The following NPSR1 variants were observed in gnomAD, a reference collection of about 807,000 sequenced individuals.
NPSR1 encodes neuropeptide S receptor.
A neutral mutation model predicts 46.9 loss-of-function variants in NPSR1; 48 were observed. The observed-to-expected ratio is 1.02, with a 90% CI of 0.81 to 1.30. The LOEUF is 1.30. NPSR1 is among the 50% of genes most tolerant of loss of function. The pLI, the probability that NPSR1 is intolerant of heterozygous loss-of-function variation, is 0.00. For missense variants in NPSR1, 450 were observed against 449.5 expected (o/e 1.00, Z -0.01); for synonymous variants, 176 against 168.1 (o/e 1.05, Z -0.36).
rs1388289604 is a variant in NPSR1, at chr7:34,807,858, G to A, written c.385-3912G>A. ...TTTTCTTTTTATTTGATTATCAATT[G>A]TGGTAGGCTTGAAAAAAGCTCCCCG... On this transcript the variant is annotated intron_variant, in intron 3 of 8. Transcript: ENST00000360581. 4.6e-5 allele frequency among the ~76,000 whole-genome samples: 7 copies of A among 151,588 alleles called. No homozygotes were observed. The East Asian group carries it at 1.4e-3, about 29-fold the overall frequency.
chr7:34,764,318 A>T lies in NPSR1; in HGVS notation c.281-14144A>T, dbSNP rs34524290. ...ATTTAAAATAGAATGAGAAAAGATCAGACTTGAGAAGAAGGAAAGTCACAG... is the reference window on the plus strand; with the variant it reads ...ATTTAAAATAGAATGAGAAAAGATCTGACTTGAGAAGAAGGAAAGTCACAG... On this transcript the variant is annotated intron_variant, in intron 2 of 8. Transcript: ENST00000360581. Among the ~76,000 whole-genome samples the T allele has an allele frequency of 9.2e-4, 140 of 152,352 alleles. 1 individual carries two copies. Among genetic ancestry groups the T allele is most frequent in the African/African-American group, 3.3e-3 (138 of 41,592 alleles).
intron 2 of NPSR1, among the ~76,000 whole-genome samples, chr7:34,700,135 A>T (rs180729955): frequency 1.0e-3 from 159 of 152,318 alleles, no homozygotes; most frequent in Non-Finnish European, 6.5e-4. Context: ...AAGGTCAGAA[A>T]GACATAGAGA....
downstream of NPSR1, among the ~76,000 whole-genome samples, chr7:34,850,750 A>T (rs1790913780): frequency 6.6e-6 from 1 of 151,950 alleles, no homozygotes; most frequent in Non-Finnish European, 1.5e-5. Context: ...CACTTGGGCC[A>T]CTCTGGGCTC....
At position 34,870,124 on chromosome 7, in the gene NPSR1, C is replaced by T. The variant is rs1339861046; in HGVS notation, c.1026-7952C>T. Among the ~76,000 whole-genome samples the T allele has an allele frequency of 3.9e-5, 6 of 151,902 alleles. 1 individual carries two copies. Among genetic ancestry groups the T allele is most frequent in the Non-Finnish European group, 5.9e-5 (4 of 68,042 alleles). On this transcript the variant is annotated intron_variant, in intron 8 of 8. Coordinates refer to the NPSR1 transcript ENST00000359791. ...TCAAGACTTAGTTCAAATATCAAAG[C>T]AGTTTTGGACTCAAGAGGGCGAGCA... is the stretch of plus-strand genomic sequence containing the variant.
rs1241152871 is a variant in NPSR1 at position 34,849,944 on chromosome 7, G to A, written c.*289G>A. On this transcript the variant is annotated 3_prime_UTR_variant, in exon 9 of 9. Coordinates refer to ENST00000360581, the MANE Select transcript of NPSR1 (RefSeq NM_207172.2). ...GAACCCAGTGAACACAGGCATTAGT[G>A]GTCCAGGGTCCTGGCTTGGAGCCAG... 6 of 1,160,138 alleles carry A rather than the reference G, an allele frequency of 5.2e-6. No individual in the cohort carries two copies. The highest frequency in any genetic ancestry group is 2.7e-5 in the South Asian group (1 of 37,604). The allele number at this position is 1,160,138 out of a possible 1,614,324, so 71.9% of individuals were successfully genotyped here.
In NPSR1 at chr7:34,700,308, G is replaced by A. The variant is rs560815521; in HGVS notation, c.280+15624G>A. Among the ~76,000 whole-genome samples, 20 of 152,306 alleles carry A rather than the reference G, an allele frequency of 1.3e-4. No individual in the cohort carries two copies. The East Asian group carries it at 3.5e-3, about 26-fold the overall frequency. On this transcript the variant is annotated intron_variant, in intron 2 of 8. Transcript: ENST00000360581. ...CAGAGGTAGTATAACTCAGTGCAAC[G>A]ATTGTACTGGGTAGGCAAGGTAGGG...
At chr7:34,713,173 T>C (rs1783388170) in intron 2 of NPSR1, among the ~76,000 whole-genome samples, 1 of 152,222 alleles carries the variant, frequency 6.6e-6, no homozygotes, top group Non-Finnish European at 1.5e-5. Flanking sequence ...TCCTACAGTA[T>C]ACAGAATTTC....
At chr7:34,848,714 G>T (rs747937052) in intron 8 of NPSR1, 51 bp downstream of exon 8, 6 of 1,522,890 alleles carry the variant, frequency 3.9e-6, no homozygotes, top group Non-Finnish European at 5.4e-6. Flanking sequence ...ATTGCACTGG[G>T]ATTCTGCCAA....
At chr7:34,792,014 G>T (rs1416409242) in intron 3 of NPSR1, among the ~76,000 whole-genome samples, 1 of 152,104 alleles carries the variant, frequency 6.6e-6, no homozygotes, top group South Asian at 2.1e-4. Flanking sequence ...ACATCTACAT[G>T]AGAAGAGTGC....
chr7:34,663,711 A>T (rs1278618939), intron 1 of NPSR1, among the ~76,000 whole-genome samples: 1 of 150,554 alleles, frequency 6.6e-6, no homozygotes, highest in African/African-American at 2.4e-5. Context: ...GCCCTCAGCG[A>T]CCCCCCTGTC....
chr7:34,841,319 T>G (rs1400510201), intron 6 of NPSR1, among the ~76,000 whole-genome samples: 5 of 152,334 alleles, frequency 3.3e-5, no homozygotes, highest in African/African-American at 4.8e-5. Flanking sequence ...GGGTTCCCAG[T>G]GGCTCTGTAA....
At chr7:34,704,856 G>A (rs1374316978) in intron 2 of NPSR1, among the ~76,000 whole-genome samples, 2 of 152,170 alleles carry the variant, frequency 1.3e-5, no homozygotes, top group African/African-American at 4.8e-5. Flanking sequence ...ACAATTAAAG[G>A]AGCTATCAGT....
At chr7:34,792,673 ATG>A (rs1366321491) in intron 3 of NPSR1, among the ~76,000 whole-genome samples, 16 of 121,182 alleles carry the variant, frequency 1.3e-4, no homozygotes, top group African/African-American at 2.2e-4. Context: ...ATTTATATAT[ATG>A]TATATATATA....
At chr7:34,683,566 A>C (rs1792770741) in intron 1 of NPSR1, among the ~76,000 whole-genome samples, 1 of 152,198 alleles carries the variant, frequency 6.6e-6, no homozygotes, top group African/African-American at 2.4e-5. Flanking sequence ...AGAATACCCA[A>C]GACTGAGTAA....
rs979589062 is a variant in NPSR1 at position 34,724,426 on chromosome 7, G to A, written c.280+39742G>A. On this transcript the variant is annotated intron_variant, in intron 2 of 8. Coordinates refer to ENST00000360581, the MANE Select transcript of NPSR1 (RefSeq NM_207172.2). ...TGTTCTCTCCTCCCAGGATCGGAAA[G>A]GTTTCTTCCTTCTGATAAAGTGTGA... Among the ~76,000 whole-genome samples the A allele has an allele frequency of 2.6e-5, 4 of 152,178 alleles. No individual in the cohort carries two copies. The East Asian group carries it at 5.8e-4, about 22-fold the overall frequency.
chr7:34,660,570 G>GT (rs1791405958), intron 1 of NPSR1, among the ~76,000 whole-genome samples: 1 of 151,940 alleles, frequency 6.6e-6, no homozygotes, highest in Non-Finnish European at 1.5e-5. Flanking sequence ...ATCAAAAGCA[G>GT]TAAAAAAAAT....
chr7:34,849,472 A>G (rs1191676775), intron 8 of NPSR1, 93 bp from the exon 9 acceptor site: 1 of 1,603,860 alleles, frequency 6.2e-7, no homozygotes, highest in African/African-American at 1.3e-5. Context: ...GACATTTAAT[A>G]CATTTTTCAT....
chr7:34,718,661 T>C (rs908937414), intron 2 of NPSR1, among the ~76,000 whole-genome samples: 1 of 152,308 alleles, frequency 6.6e-6, no homozygotes, highest in South Asian at 2.1e-4. Flanking sequence ...TGTAGAATAA[T>C]TATGGACTAG....
chr7:34,719,598 A>T (rs1453248393), intron 2 of NPSR1: 1 of 152,250 alleles, frequency 6.6e-6, no homozygotes, highest in East Asian at 1.9e-4. Flanking sequence ...TGGATTTTTC[A>T]TACAGCTGGC....
Sources: gnomAD v4.1 joint callset for allele counts (sites outside exome capture counted in the v4.1 genomes callset) on GRCh38, gnomAD v4.1.1 for gene constraint, MANE v1.5 for transcripts, NCBI Gene and HGNC (gene_info 2026-07-23, HGNC 2026-07-21) for gene names.